Variants in CCDC181 observed in about 807,000 individuals in gnomAD.
The protein encoded by CCDC181 is coiled-coil domain-containing protein 181.
A neutral mutation model predicts 58.7 loss-of-function variants in CCDC181; 35 were observed. The ratio of observed to expected loss-of-function variants is 0.60; its 90% CI spans 0.46 to 0.79. The LOEUF is 0.79. CCDC181 is among the 30% of genes least tolerant of loss of function. The pLI, the probability that CCDC181 is intolerant of heterozygous loss-of-function variation, is 0.00. For missense variants in CCDC181, 517 were observed against 583.9 expected (o/e 0.89, Z 1.18); for synonymous variants, 183 against 197.5 (o/e 0.93, Z 0.62).
chr1:169,398,023 T>A (rs1246526967), intron 4 of CCDC181, among the ~76,000 whole-genome samples: 2 of 152,220 alleles, frequency 1.3e-5, no homozygotes, highest in Non-Finnish European at 2.9e-5. Flanking sequence ...TTGCCAAATA[T>A]GCTCTAGTCT....
intron 1 of CCDC181, chr1:169,459,911 A>ACAAAAAC (rs34700299): frequency 1.4e-5 from 2 of 147,684 alleles, no homozygotes; most frequent in African/African-American, 5.0e-5. Context: ...TTAGGAAAAA[A>ACAAAAAC]AAAAAAAAAA....
At chr1:169,416,147 TG>T (rs1184785105) in intron 4 of CCDC181, among the ~76,000 whole-genome samples, 2 of 151,764 alleles carry the variant, frequency 1.3e-5, no homozygotes, top group Non-Finnish European at 2.9e-5. Flanking sequence ...TTCTGATCCA[TG>T]GGTTGCACAG....
intron 3 of CCDC181, 57 bp downstream of exon 3, chr1:169,421,306 T>C (rs760693293): frequency 1.5e-6 from 2 of 1,312,090 alleles, no homozygotes; most frequent in Non-Finnish European, 2.1e-6. Context: ...TCCCATTGCA[T>C]TTATAAAACA....
At chr1:169,453,859 A>G (rs1030630294) in intron 2 of CCDC181, among the ~76,000 whole-genome samples, 2 of 151,986 alleles carry the variant, frequency 1.3e-5, no homozygotes, top group Non-Finnish European at 2.9e-5. Flanking sequence ...CAAGTCTATT[A>G]AGACACTTGC....
intron 4 of CCDC181, 42 bp from the exon 5 acceptor site, chr1:169,397,433 A>G (rs1306264435): frequency 6.5e-7 from 1 of 1,531,028 alleles, no homozygotes; most frequent in Admixed American, 2.1e-5. Flanking sequence ...GATAAACAAG[A>G]ACTACATTTT....
chr1:169,440,442 G>A (rs543350744), intron 2 of CCDC181, among the ~76,000 whole-genome samples: 8 of 152,326 alleles, frequency 5.3e-5, no homozygotes, highest in African/African-American at 1.7e-4. Context: ...CCGGCTGTAT[G>A]GGAGACTGGA....
At chr1:169,434,236 A>G (rs757950476) in intron 2 of CCDC181, among the ~76,000 whole-genome samples, 2 of 151,990 alleles carry the variant, frequency 1.3e-5, no homozygotes, top group Non-Finnish European at 2.9e-5. Context: ...AATCAAAACC[A>G]CTATGAGATA....
intron 2 of CCDC181, among the ~76,000 whole-genome samples, chr1:169,437,493 T>C (rs770475433): frequency 6.6e-6 from 1 of 152,220 alleles, no homozygotes; most frequent in Non-Finnish European, 1.5e-5. Context: ...GCTTGGAGGT[T>C]AGAAACAAGG....
rs1249284340 is a variant in CCDC181 at position 169,395,098 on chromosome 1, G to A, written c.1479C>T (p.His493=). 2.5e-6 allele frequency: 4 copies of A among 1,613,282 alleles called. No homozygotes were observed. Among genetic ancestry groups the A allele is most frequent in the Non-Finnish European group, 1.7e-6 (2 of 1,179,656 alleles). The change falls in exon 6 of 6, where the codon CAC becomes CAT. Residue 493 remains histidine, a synonymous_variant. Transcript: ENST00000367806. The stretch of plus-strand genomic sequence containing the variant: ...AAGGTTTGGCTTCTGACATATATAG[G>A]TGGTGCTGTAACTGTTTAGAACGCT... ...EAKRSKQLQH[H]LYMSEAKPFR... is the part of the protein sequence containing the mutation.
upstream of CCDC181, among the ~76,000 whole-genome samples, chr1:169,429,435 C>T (rs1237873261): frequency 2.0e-5 from 3 of 152,146 alleles, no homozygotes; most frequent in Non-Finnish European, 4.4e-5. Context: ...TAAAAGTGTT[C>T]CCTGTTCACC....
chr1:169,440,326 C>A (rs1657180647), intron 2 of CCDC181, among the ~76,000 whole-genome samples: 1 of 152,146 alleles, frequency 6.6e-6, no homozygotes, highest in Non-Finnish European at 1.5e-5. Context: ...CAGAGGAGCC[C>A]CCAAATTTGT....
In CCDC181 at chr1:169,438,179, C is replaced by T. The variant is rs1657107618; in HGVS notation, c.-23-13229G>A. 2.0e-5 allele frequency among the ~76,000 whole-genome samples: 3 copies of T among 148,322 alleles called. No homozygotes were observed. The South Asian group carries it at 6.3e-4, about 31-fold the overall frequency. ...CAAAGTGTACCAGATTTGCTACAGC[C>T]TAAGACTAGCCTCACAAATCCTTTT... On this transcript the variant is annotated intron_variant, in intron 2 of 6. Coordinates refer to the CCDC181 transcript ENST00000545005.
intron 2 of CCDC181, among the ~76,000 whole-genome samples, chr1:169,436,186 C>T (rs1657049678): frequency 6.6e-6 from 1 of 151,872 alleles, no homozygotes; most frequent in African/African-American, 2.4e-5. Context: ...AAAAGAAAAA[C>T]AGTTGTGTTG....
upstream of CCDC181, among the ~76,000 whole-genome samples, chr1:169,431,485 A>G (rs1164511328): frequency 2.0e-5 from 3 of 152,226 alleles, no homozygotes; most frequent in Non-Finnish European, 4.4e-5. Flanking sequence ...TTCTAAAAAG[A>G]TGGTGGAATA....
intron 4 of CCDC181, 87 bp downstream of exon 4, chr1:169,418,926 T>C: frequency 9.4e-7 from 1 of 1,066,552 alleles, no homozygotes; most frequent in Non-Finnish European, 1.4e-6. Context: ...TTCCATAGGC[T>C]GTTAGTCTGA....
chr1:169,410,413 A>G (rs1314111643), intron 4 of CCDC181, among the ~76,000 whole-genome samples: 2 of 152,206 alleles, frequency 1.3e-5, no homozygotes, highest in African/African-American at 2.4e-5. Context: ...AGACCTATAA[A>G]GAGACTTAGA....
At chr1:169,459,905 G>GAAAAAACAAAAAA (rs1553210867) in intron 1 of CCDC181, 3 of 75,180 alleles carry the variant, frequency 4.0e-5, no homozygotes, top group Admixed American at 1.6e-4. Flanking sequence ...TTGAAATTAG[G>GAAAAAACAAAAAA]AAAAAAAAAA....
At chr1:169,423,491 T>C (rs1055627811) in intron 2 of CCDC181, among the ~76,000 whole-genome samples, 4 of 152,118 alleles carry the variant, frequency 2.6e-5, no homozygotes, top group South Asian at 2.1e-4. Context: ...GACCCTCTTA[T>C]GTGTCTCTAG....
intron 1 of CCDC181, 48 bp downstream of exon 1, chr1:169,427,240 A>G (rs1656751168): frequency 6.6e-6 from 1 of 152,168 alleles, no homozygotes; most frequent in African/African-American, 2.4e-5. Context: ...TCCCACCATT[A>G]ACATCTCCGC....
Sources: gnomAD v4.1 joint callset for allele counts (sites outside exome capture counted in the v4.1 genomes callset) on GRCh38, gnomAD v4.1.1 for gene constraint, MANE v1.5 for transcripts, NCBI Gene and HGNC (gene_info 2026-07-23, HGNC 2026-07-21) for gene names.